Variants in TMTC2 observed in about 807,000 individuals in gnomAD.
TMTC2 encodes the protein transmembrane O-mannosyltransferase targeting cadherins 2, also known as protein O-mannosyl-transferase TMTC2.
TMTC2 carries 43 observed loss-of-function variants against 82.4 expected under a neutral mutation model. The observed-to-expected ratio is 0.52, with a 90% CI of 0.41 to 0.67. The LOEUF (loss-of-function observed/expected upper bound fraction) is 0.67. Among genes scored for constraint, TMTC2 ranks in the 30% least tolerant of loss-of-function variants. The pLI is 0.00. For synonymous variants in TMTC2, 408 were observed against 381.9 expected (o/e 1.07, Z -0.80); for missense variants, 919 against 1,012.4 (o/e 0.91, Z 1.25).
chr12:82,783,353 G>A (rs956640686), intron 1 of TMTC2, among the ~76,000 whole-genome samples: 2 of 151,018 alleles, frequency 1.3e-5, no homozygotes, highest in African/African-American at 2.4e-5. Context: ...GGCAGACAGC[G>A]TGCTTCTAAG....
intron 11 of TMTC2, among the ~76,000 whole-genome samples, chr12:83,104,407 G>A (rs1884330083): frequency 6.6e-6 from 1 of 152,212 alleles, no homozygotes; most frequent in Non-Finnish European, 1.5e-5. Flanking sequence ...GGGCACCCAG[G>A]CTTTCTCATA....
At chr12:83,088,714 A>G (rs991426434) in intron 11 of TMTC2, among the ~76,000 whole-genome samples, 8 of 152,230 alleles carry the variant, frequency 5.3e-5, no homozygotes, top group Admixed American at 1.3e-4. Flanking sequence ...CAGTAATAAC[A>G]TCAAAGATCA....
intron 11 of TMTC2, among the ~76,000 whole-genome samples, chr12:83,111,289 CTT>C (rs1401058170): frequency 1.3e-5 from 2 of 152,170 alleles, no homozygotes; most frequent in Middle Eastern, 3.2e-3. Flanking sequence ...GTCCAGCAAA[CTT>C]TTGTTGTAAT....
chr12:82,807,323 C>CA lies in TMTC2; in HGVS notation c.84-49686dup, dbSNP rs941254407. ...GACTGGAGAGGCAGACAGCTTAAAC[C>CA]AGAGTGTGAGGAACAAGCCTCTAAA... On this transcript the variant is annotated intron_variant, in intron 1 of 11. Coordinates refer to ENST00000321196, the MANE Select transcript of TMTC2 (RefSeq NM_152588.3). Among the ~76,000 whole-genome samples, 3 of 152,170 alleles carry CA rather than the reference C, an allele frequency of 2.0e-5. 1 individual carries two copies. Among genetic ancestry groups the CA allele is most frequent in the African/African-American group, 7.2e-5 (3 of 41,550 alleles).
intron 4 of TMTC2, among the ~76,000 whole-genome samples, chr12:82,931,919 G>C (rs1180521183): frequency 1.3e-5 from 2 of 152,048 alleles, no homozygotes; most frequent in African/African-American, 2.4e-5. Flanking sequence ...GGGGCAACGA[G>C]TCACTTCCAT....
At chr12:83,031,054 G>T (rs1881410653) in intron 9 of TMTC2, among the ~76,000 whole-genome samples, 175 bp downstream of exon 9, 1 of 152,044 alleles carries the variant, frequency 6.6e-6, no homozygotes, top group East Asian at 1.9e-4. Flanking sequence ...TAGACGGGCT[G>T]TGCATTATAT....
At chr12:83,037,773 C>T (rs1413144815) in intron 9 of TMTC2, among the ~76,000 whole-genome samples, 1 of 151,768 alleles carries the variant, frequency 6.6e-6, no homozygotes, top group African/African-American at 2.4e-5. Flanking sequence ...AAAATGGGAA[C>T]AGGAAATGGT....
chr12:83,000,707 G>T (rs1162297480), intron 8 of TMTC2, among the ~76,000 whole-genome samples: 2 of 152,156 alleles, frequency 1.3e-5, no homozygotes, highest in Admixed American at 1.3e-4. Context: ...GCCCCAGTGG[G>T]GACTCTATGG....
intron 2 of TMTC2, among the ~76,000 whole-genome samples, chr12:82,885,669 C>G (rs951946331): frequency 4.6e-5 from 7 of 152,014 alleles, no homozygotes; most frequent in Admixed American, 3.3e-4. Flanking sequence ...TTGCTCCTGG[C>G]TGGGTATATA....
At chr12:83,057,341 T>G (rs926361449) in intron 10 of TMTC2, among the ~76,000 whole-genome samples, 3 of 151,912 alleles carry the variant, frequency 2.0e-5, no homozygotes, top group Admixed American at 6.6e-5. Flanking sequence ...TTGCTACACT[T>G]TTTCTTTACC....
Position 83,134,606 on chromosome 12 carries a change from G to T in TMTC2, c.*2217G>T, listed in dbSNP as rs1039847302. 2 of 149,018 alleles carry T rather than the reference G, an allele frequency of 1.3e-5. No individual in the cohort carries two copies. The highest frequency in any genetic ancestry group is 4.2e-4 in the East Asian group (2 of 4,806). 9.2% of individuals were successfully genotyped at this position (149,018 alleles called of 1,614,324 possible). ...TGGACTTAGTAACTGACCAACTTCGGGGGGAGGGTTGGGGCAAGGGGGGGT... is the reference window on the plus strand; with the variant it reads ...TGGACTTAGTAACTGACCAACTTCGTGGGGAGGGTTGGGGCAAGGGGGGGT... On this transcript the variant is annotated 3_prime_UTR_variant, in exon 12 of 12. Coordinates refer to ENST00000321196, the MANE Select transcript of TMTC2 (RefSeq NM_152588.3).
rs544744421 is a variant in TMTC2, at chr12:82,899,354, T to C, written c.1483+2708T>C. 8.6e-5 allele frequency among the ~76,000 whole-genome samples: 13 copies of C among 151,898 alleles called. No homozygotes were observed. The East Asian group carries it at 9.7e-4, about 11-fold the overall frequency. On this transcript the variant is annotated intron_variant, in intron 3 of 11. Transcript: ENST00000321196. Reference sequence around the variant, plus strand: ...AGTCATCCCTGCCTCCTCTTTTCCCTTCACAGTTGACCTCCTCTTTTCCCT... The same window carrying C: ...AGTCATCCCTGCCTCCTCTTTTCCCCTCACAGTTGACCTCCTCTTTTCCCT...
At chr12:83,022,184 C>G (rs893202853) in intron 8 of TMTC2, among the ~76,000 whole-genome samples, 2 of 152,112 alleles carry the variant, frequency 1.3e-5, no homozygotes, top group African/African-American at 4.8e-5. Flanking sequence ...CTGGTCCCTC[C>G]TGTCATACTC....
chr12:82,978,489 T>C (rs891304856), intron 7 of TMTC2, among the ~76,000 whole-genome samples: 1 of 151,882 alleles, frequency 6.6e-6, no homozygotes, highest in Non-Finnish European at 1.5e-5. Flanking sequence ...TGTGTGTGTG[T>C]GTAGTTTTCA....
chr12:82,982,434 A>G (rs1393161057), intron 7 of TMTC2, among the ~76,000 whole-genome samples: 1 of 92,838 alleles, frequency 1.1e-5, no homozygotes, highest in Admixed American at 1.5e-4. Context: ...TAATTTATCC[A>G]TAATCTTTTT....
chr12:82,748,744 G>A (rs939125218), intron 1 of TMTC2, among the ~76,000 whole-genome samples: 4 of 152,152 alleles, frequency 2.6e-5, no homozygotes, highest in Non-Finnish European at 5.9e-5. Context: ...GGGTGTGGTG[G>A]TGCATGCCTG....
intron 2 of TMTC2, among the ~76,000 whole-genome samples, chr12:82,892,183 G>A (rs181782377): frequency 7.9e-5 from 12 of 152,298 alleles, no homozygotes; most frequent in Non-Finnish European, 1.6e-4. Flanking sequence ...TTTGATCTTA[G>A]TGACTGTTAG....
chr12:82,822,853 A>G (rs1869196230), intron 1 of TMTC2, among the ~76,000 whole-genome samples: 1 of 152,188 alleles, frequency 6.6e-6, no homozygotes, highest in Non-Finnish European at 1.5e-5. Context: ...AGTACGTTGT[A>G]TTCTCCACTT....
intron 1 of TMTC2, among the ~76,000 whole-genome samples, chr12:82,815,603 T>C (rs1233684623): frequency 6.6e-6 from 1 of 151,994 alleles, no homozygotes; most frequent in Non-Finnish European, 1.5e-5. Context: ...TCCTTCAAGG[T>C]TTATTGATGT....
Sources: allele counts gnomAD v4.1 joint callset (sites outside exome capture counted in the v4.1 genomes callset), GRCh38; gene constraint gnomAD v4.1.1; transcripts MANE v1.5; gene names NCBI Gene and HGNC (gene_info 2026-07-23, HGNC 2026-07-21).